DLGAP3: variants seen among roughly 807,000 people sequenced by gnomAD.
The protein encoded by DLGAP3 is DLG associated protein 3, also known as disks large-associated protein 3.
A neutral mutation model predicts 81.2 loss-of-function variants in DLGAP3; 17 were observed. The observed-to-expected ratio is 0.21, with a 90% CI of 0.14 to 0.31. The LOEUF (loss-of-function observed/expected upper bound fraction) is 0.31, where lower values mean the gene tolerates loss of function less well. Ranked by LOEUF, DLGAP3 falls within the 10% of genes least tolerant of loss-of-function variation. The pLI is 1.00. For missense variants in DLGAP3, 1,124 were observed against 1,388.0 expected (o/e 0.81, Z 3.02); for synonymous variants, 577 against 587.4 (o/e 0.98, Z 0.26).
chr1:34,874,935 A>C (rs906398973), intron 8 of DLGAP3, among the ~76,000 whole-genome samples: 1 of 152,062 alleles, frequency 6.6e-6, no homozygotes, highest in Non-Finnish European at 1.5e-5. Context: ...GAGCCTAAAC[A>C]TATAATCAAG....
In DLGAP3 at chr1:34,905,131, C is replaced by G; in HGVS notation, c.253G>C (p.Gly85Arg). ...TACATCCTGGGGAAGGTGCTGCTACCCCCCCCAACCCCGGCCCCCGCTGGC... is the reference window on the plus strand; with the variant it reads ...TACATCCTGGGGAAGGTGCTGCTACGCCCCCCAACCCCGGCCCCCGCTGGC... ...GGPAGAGVGG[G>R]SSTFPRMYPG... The change falls in exon 3 of 12, where the codon GGT (glycine) becomes CGT (arginine). Residue 85 changes from glycine (G) to arginine (R), a missense_variant. Physicochemically the swap from Gly to Arg is moderately radical, Grantham distance 125. Around this residue, in one of 9 missense-constraint regions of DLGAP3, gnomAD observed 167 missense variants for 172.1 expected, o/e 0.97. Transcript: ENST00000373347. 6.4e-7 allele frequency: 1 copy of G among 1,571,082 alleles called. No individual in the cohort carries two copies. The highest frequency in any genetic ancestry group is 1.2e-5 in the South Asian group (1 of 85,764).
rs1041415123 is a variant in DLGAP3, at chr1:34,908,749, G to C, written c.-134-1312C>G. The stretch of plus-strand genomic sequence containing the variant: ...CTAGAAATCTTCCATAGAGGACAAG[G>C]TGAGACATACCCAGCCCCTGGCCCA... On this transcript the variant is annotated intron_variant, in intron 1 of 11. Coordinates refer to ENST00000373347, the MANE Select transcript of DLGAP3 (RefSeq NM_001080418.3). 2.8e-4 allele frequency among the ~76,000 whole-genome samples: 43 copies of C among 152,090 alleles called. 1 individual carries two copies.
In DLGAP3 at chr1:34,900,374, G is replaced by A; in HGVS notation, c.1108-101C>T. ...AGTGGGAGATGCCCTGCCCTGGCTT[G>A]AACAGGCACACTCAGGTACATGCAG... On this transcript the variant is annotated intron_variant, in intron 3 of 11. Coordinates refer to ENST00000373347, the MANE Select transcript of DLGAP3 (RefSeq NM_001080418.3). The surrounding 1 kb of genome is among the most constrained non-coding windows in gnomAD (Gnocchi z 5.6). 8.0e-7 allele frequency: 1 copy of A among 1,242,786 alleles called. No individual in the cohort carries two copies. Among genetic ancestry groups the A allele is most frequent in the Non-Finnish European group, 1.2e-6 (1 of 855,114 alleles). The allele number at this position is 1,242,786 out of a possible 1,614,324, so 77.0% of individuals were successfully genotyped here.
rs1253429698 is a variant in DLGAP3, at chr1:34,867,251, G to T, written c.2578-60C>A. 7 of 1,609,792 alleles carry T rather than the reference G, an allele frequency of 4.3e-6. No individual in the cohort carries two copies. The highest frequency in any genetic ancestry group is 3.3e-5 in the Admixed American group (2 of 59,908). ...TCAAGGAGGTCTGAGCCCCAGCCAG[G>T]ACAAGAGAAAGTCCTATCCACCCTT... On this transcript the variant is annotated intron_variant, in intron 10 of 11. Coordinates refer to ENST00000373347, the MANE Select transcript of DLGAP3 (RefSeq NM_001080418.3). The surrounding 1 kb of genome is among the most constrained non-coding windows in gnomAD (Gnocchi z 4.3).
Position 34,869,095 on chromosome 1 carries a change from G to A in DLGAP3, c.2001-6C>T. On this transcript the variant is annotated splice_polypyrimidine_tract_variant and splice_region_variant and intron_variant, in intron 8 of 11. Coordinates refer to ENST00000373347, the MANE Select transcript of DLGAP3 (RefSeq NM_001080418.3). ...AGCGCTTGAACCTTGCTCGCCTGGG[G>A]AGAGGGGTGGCTGTCATCCCCCATT... 1.3e-6 allele frequency: 2 copies of A among 1,580,834 alleles called. No homozygotes were observed. Among genetic ancestry groups the A allele is most frequent in the Non-Finnish European group, 1.7e-6 (2 of 1,166,520 alleles).
At position 34,929,245 on chromosome 1, in the gene DLGAP3, C is replaced by A. The variant is rs977628388; in HGVS notation, c.-135+206G>T. Among the ~76,000 whole-genome samples the A allele has an allele frequency of 5.9e-5, 9 of 151,360 alleles. No homozygotes were observed. The highest frequency in any genetic ancestry group is 2.2e-4 in the African/African-American group (9 of 41,370). On this transcript the variant is annotated intron_variant, in intron 1 of 11. Coordinates refer to ENST00000373347, the MANE Select transcript of DLGAP3 (RefSeq NM_001080418.3). This position sits in a 1 kb window ranked among gnomAD's most constrained non-coding sequence, Gnocchi z 6.5. ...CGGTCCGCGTGGTCCCCTGCCCGCCCCTCGGGTCGGGCCCGCGGGCAGCCA... is the reference window on the plus strand; with the variant it reads ...CGGTCCGCGTGGTCCCCTGCCCGCCACTCGGGTCGGGCCCGCGGGCAGCCA...
intron 5 of DLGAP3, among the ~76,000 whole-genome samples, chr1:34,888,156 T>C (rs779705742): frequency 3.9e-5 from 6 of 152,210 alleles, no homozygotes; most frequent in Admixed American, 1.3e-4. Flanking sequence ...GGCATTATAT[T>C]TACGTGCAGT....
At chr1:34,911,026 C>CG (rs1048820876) in intron 1 of DLGAP3, among the ~76,000 whole-genome samples, 1 of 144,630 alleles carries the variant, frequency 6.9e-6, no homozygotes, top group Non-Finnish European at 1.6e-5. Context: ...TTATCCACCC[C>CG]CCCCCCACCA....
chr1:34,905,822 A>G (rs1277648223), intron 2 of DLGAP3, among the ~76,000 whole-genome samples: 2 of 151,752 alleles, frequency 1.3e-5, no homozygotes, highest in Non-Finnish European at 2.9e-5. Context: ...TGGGCAACCA[A>G]GCAAGACCCT....
In DLGAP3 at chr1:34,895,550, T is replaced by A. The variant is rs1639369191; in HGVS notation, c.1386+4119A>T. On this transcript the variant is annotated intron_variant, in intron 5 of 11. Coordinates refer to ENST00000373347, the MANE Select transcript of DLGAP3 (RefSeq NM_001080418.3). This position sits in a 1 kb window ranked among gnomAD's most constrained non-coding sequence, Gnocchi z 4.5. ...AGAGCAATCCCTTCAAATTCCCAACTATATTTTTTATAGAAATCAACAAGC... is the reference window on the plus strand; with the variant it reads ...AGAGCAATCCCTTCAAATTCCCAACAATATTTTTTATAGAAATCAACAAGC... Among the ~76,000 whole-genome samples the A allele has an allele frequency of 6.6e-6, 1 of 152,064 alleles. No individual in the cohort carries two copies. The highest frequency in any genetic ancestry group is 1.5e-5 in the Non-Finnish European group (1 of 68,008).
At chr1:34,894,844 A>G (rs1004063759) in intron 5 of DLGAP3, among the ~76,000 whole-genome samples, 1 of 152,200 alleles carries the variant, frequency 6.6e-6, no homozygotes, top group Non-Finnish European at 1.5e-5. Flanking sequence ...ATAATAATAG[A>G]GACTAATTTG....
At chr1:34,872,837 C>A (rs1639000659) in intron 8 of DLGAP3, among the ~76,000 whole-genome samples, 1 of 152,210 alleles carries the variant, frequency 6.6e-6, no homozygotes, top group South Asian at 2.1e-4. Flanking sequence ...CAAATGGATT[C>A]TTCCCAGAGC....
In DLGAP3 at chr1:34,903,011, C is replaced by T. The variant is rs537063821; in HGVS notation, c.1107+1266G>A. On this transcript the variant is annotated intron_variant, in intron 3 of 11. Coordinates refer to ENST00000373347, the MANE Select transcript of DLGAP3 (RefSeq NM_001080418.3). ...GTCCCTTCTTGCTTGCACTGTGGCC[C>T]TATGTGCTCCCTTGGGCCTTCATGA... is the stretch of plus-strand genomic sequence containing the variant. Among the ~76,000 whole-genome samples, 110 of 152,290 alleles carry T rather than the reference C, an allele frequency of 7.2e-4. 2 individuals carry two copies. Among genetic ancestry groups the T allele is most frequent in the African/African-American group, 2.6e-3 (106 of 41,556 alleles).
chr1:34,885,327 C>G, intron 7 of DLGAP3, 151 bp downstream of exon 7: 1 of 897,866 alleles, frequency 1.1e-6, no homozygotes, highest in Non-Finnish European at 1.7e-6. Context: ...CTGGCTGGAG[C>G]AGCCCCGTCG....
At chr1:34,908,499 G>A (rs1639592589) in intron 1 of DLGAP3, among the ~76,000 whole-genome samples, 1 of 151,828 alleles carries the variant, frequency 6.6e-6, no homozygotes, top group South Asian at 2.1e-4. Flanking sequence ...ACAGGAAATG[G>A]CAAATAGTGG....
chr1:34,873,963 G>T lies in DLGAP3; in HGVS notation c.2001-4874C>A, dbSNP rs1251851867. 1.3e-5 allele frequency among the ~76,000 whole-genome samples: 2 copies of T among 152,172 alleles called. No homozygotes were observed. The highest frequency in any genetic ancestry group is 2.9e-5 in the Non-Finnish European group (2 of 68,014). On this transcript the variant is annotated intron_variant, in intron 8 of 11. Transcript: ENST00000373347. The surrounding 1 kb of genome is among the most constrained non-coding windows in gnomAD (Gnocchi z 4.2). The stretch of plus-strand genomic sequence containing the variant: ...TGGACACATGGCTACTTTGAATAAA[G>T]ATTCTTTCCCAATCTCCCTACCAAC...
chr1:34,866,363 C>T, intron 11 of DLGAP3, 62 bp from the exon 12 acceptor site: 1 of 1,315,030 alleles, frequency 7.6e-7, no homozygotes, highest in Non-Finnish European at 1.0e-6. Context: ...CAGGTGTCCG[C>T]CCCCGCACCC....
intron 5 of DLGAP3, among the ~76,000 whole-genome samples, chr1:34,891,515 G>T (rs72894116): frequency 2.6e-5 from 4 of 152,172 alleles, no homozygotes; most frequent in African/African-American, 7.2e-5. Context: ...GGGTTAACTC[G>T]AAGCTGGGTG....
intron 1 of DLGAP3, among the ~76,000 whole-genome samples, chr1:34,926,495 G>A (rs1639874599): frequency 6.6e-6 from 1 of 152,184 alleles, no homozygotes; most frequent in African/African-American, 2.4e-5. Context: ...TGCTTGCATA[G>A]TGGAGGGTAC....
Sources: allele counts gnomAD v4.1 joint callset (sites outside exome capture counted in the v4.1 genomes callset), GRCh38; gene constraint gnomAD v4.1.1; regional missense constraint gnomAD v4.1.1; non-coding constraint Gnocchi (gnomAD v3.1); transcripts MANE v1.5; gene names NCBI Gene and HGNC (gene_info 2026-07-23, HGNC 2026-07-21).